Variants in MAF observed in about 807,000 individuals in gnomAD.
MAF encodes the protein transcription factor Maf.
Under a neutral mutation model 22.0 loss-of-function variants are expected in MAF, and 10 were observed. The observed-to-expected ratio is 0.45, with a 90% confidence interval of 0.28 to 0.77. The LOEUF (loss-of-function observed/expected upper bound fraction) is 0.77. Ranked by LOEUF, MAF falls within the 30% of genes least tolerant of loss-of-function variation. MAF has a pLI of 0.12. For synonymous variants in MAF, 337 were observed against 255.8 expected, an observed-to-expected ratio of 1.32 and a Z score of -3.03; for missense variants, 544 against 548.4, an observed-to-expected ratio of 0.99 and a Z score of 0.08.
At chr16:79,578,295 T>G in the MAF span, among the ~76,000 whole-genome samples, 2 of 152,148 alleles carry the variant, frequency 1.3e-5, no homozygotes, top group African/African-American at 2.4e-5. Context: ...TGAGTTTTTT[T>G]AAGATTTATA....
At chr16:79,463,684 G>T in the MAF span, among the ~76,000 whole-genome samples, 1 of 152,104 alleles carries the variant, frequency 6.6e-6, no homozygotes, top group Non-Finnish European at 1.5e-5. Flanking sequence ...ACCTAGGTTG[G>T]CATTGGACGT....
At position 79,599,118 on chromosome 16, in the gene MAF, G is replaced by A; in HGVS notation, c.785C>T (p.Ser262Phe). 1.3e-6 allele frequency: 2 copies of A among 1,597,518 alleles called. No homozygotes were observed. The highest frequency in any genetic ancestry group is 1.7e-6 in the Non-Finnish European group (2 of 1,177,314). Residue 262 changes from serine to phenylalanine, a missense_variant, in exon 1 of 2, where the codon TCC (serine) becomes TTC (phenylalanine). Coordinates refer to ENST00000326043, the MANE Select transcript of MAF (RefSeq NM_005360.5). ...AGGLHFDDRF[S>F]DEQLVTMSVR... ...AGACATGGTCACCAGCTGCTCGTCG[G>A]AGAAGCGGTCGTCGAAGTGCAGGCC...
At chr16:79,472,258 C>T in the MAF span, among the ~76,000 whole-genome samples, 19 of 152,284 alleles carry the variant, frequency 1.2e-4, no homozygotes, top group African/African-American at 4.6e-4. Context: ...CCAGCAATTC[C>T]ACTCCTGGGA....
the MAF span, among the ~76,000 whole-genome samples, chr16:79,421,435 T>C: frequency 6.6e-6 from 1 of 152,218 alleles, no homozygotes; most frequent in Non-Finnish European, 1.5e-5. Context: ...TCCATAGTTT[T>C]GGCTTTTCCA....
At chr16:79,556,764 G>A in the MAF span, among the ~76,000 whole-genome samples, 1 of 152,014 alleles carries the variant, frequency 6.6e-6, no homozygotes, top group African/African-American at 2.4e-5. Context: ...CTATGCCATG[G>A]GTAAGTTAGG....
chr16:79,421,038 GAA>G, the MAF span, among the ~76,000 whole-genome samples: 5 of 125,928 alleles, frequency 4.0e-5, no homozygotes, highest in African/African-American at 1.4e-4. Flanking sequence ...GTCTCAAAAA[GAA>G]AAAAAAAAAA....
At chr16:79,451,855 C>T in the MAF span, among the ~76,000 whole-genome samples, 1 of 152,188 alleles carries the variant, frequency 6.6e-6, no homozygotes, top group African/African-American at 2.4e-5. Flanking sequence ...GTTTTAAATG[C>T]TCAGAAGCCA....
At chr16:79,389,709 G>A in the MAF span, among the ~76,000 whole-genome samples, 6 of 152,038 alleles carry the variant, frequency 3.9e-5, no homozygotes, top group African/African-American at 1.2e-4. Flanking sequence ...GGGCATGGTG[G>A]CTCACGCCTG....
chr16:79,479,077 A>G, the MAF span, among the ~76,000 whole-genome samples: 1 of 150,778 alleles, frequency 6.6e-6, no homozygotes, highest in East Asian at 2.0e-4. Flanking sequence ...GCACATTGGT[A>G]TAGCATTCTA....
chr16:79,227,641 T>C, the MAF span, among the ~76,000 whole-genome samples: 4 of 151,940 alleles, frequency 2.6e-5, no homozygotes, highest in Admixed American at 6.6e-5. Flanking sequence ...CGTTTTGTTT[T>C]ATTACTACTT....
chr16:79,221,616 A>T, the MAF span, among the ~76,000 whole-genome samples: 1 of 152,242 alleles, frequency 6.6e-6, no homozygotes, highest in Admixed American at 6.5e-5. Context: ...AAATTCTAGC[A>T]GTTAATCCTA....
the MAF span, among the ~76,000 whole-genome samples, chr16:79,328,143 C>G: frequency 6.6e-6 from 1 of 152,180 alleles, no homozygotes; most frequent in Admixed American, 6.5e-5. Flanking sequence ...TGATTAGCAC[C>G]TGACATAGGG....
chr16:79,217,137 T>C, the MAF span, among the ~76,000 whole-genome samples: 2 of 152,230 alleles, frequency 1.3e-5, no homozygotes, highest in Admixed American at 6.5e-5. Flanking sequence ...TTTCAGATGC[T>C]ATTTACTGAG....
At chr16:79,429,279 C>T in the MAF span, among the ~76,000 whole-genome samples, 2 of 152,162 alleles carry the variant, frequency 1.3e-5, no homozygotes, top group Non-Finnish European at 2.9e-5. Context: ...TCCTGCCCTG[C>T]CCATGGGTCT....
At chr16:79,560,003 C>G in the MAF span, among the ~76,000 whole-genome samples, 1,013 of 152,290 alleles carry the variant, frequency 6.7e-3, 13 homozygotes, top group African/African-American at 0.023. Context: ...CTCTGGGGCT[C>G]AAGCAATCCT....
chr16:79,441,119 A>C, the MAF span, among the ~76,000 whole-genome samples: 1 of 152,246 alleles, frequency 6.6e-6, no homozygotes, highest in African/African-American at 2.4e-5. Context: ...TTACTAGTAC[A>C]TGCCAGCTGT....
chr16:79,429,058 A>G, the MAF span, among the ~76,000 whole-genome samples: 1 of 152,128 alleles, frequency 6.6e-6, no homozygotes, highest in Admixed American at 6.5e-5. Context: ...TGCTGTAAGC[A>G]ATGCGGATGT....
the MAF span, among the ~76,000 whole-genome samples, chr16:79,472,163 T>A: frequency 1.3e-5 from 2 of 152,074 alleles, no homozygotes; most frequent in Admixed American, 1.3e-4. Context: ...AAATCCCCAG[T>A]CAACCCTCAA....
chr16:79,596,303 C>T, intron 1 of MAF: 2 of 1,059,420 alleles, frequency 1.9e-6, no homozygotes, highest in Non-Finnish European at 2.3e-6. Flanking sequence ...TTAAATATTG[C>T]TAATCAGTAT....
Sources: gnomAD v4.1 joint callset for allele counts (sites outside exome capture counted in the v4.1 genomes callset) on GRCh38, gnomAD v4.1.1 for gene constraint, MANE v1.5 for transcripts, NCBI Gene and HGNC (gene_info 2026-07-23, HGNC 2026-07-21) for gene names.